The following SAP130 variants were observed in gnomAD, a reference collection of about 807,000 sequenced individuals.
The protein encoded by SAP130 is Sin3A associated protein 130, also known as histone deacetylase complex subunit SAP130.
Under a neutral mutation model 103.2 loss-of-function variants are expected in SAP130, and 16 were observed. The ratio of observed to expected loss-of-function variants is 0.16; its 90% confidence interval spans 0.10 to 0.24. The LOEUF (loss-of-function observed/expected upper bound fraction) is 0.24. SAP130 is among the 10% of genes least tolerant of loss of function. The probability of loss-of-function intolerance (pLI) is 1.00; values close to 1 mark genes in which losing one functional copy is unlikely to be tolerated. For missense variants in SAP130, 990 were observed against 1,359.7 expected (o/e 0.73, Z 4.28); for synonymous variants, 477 against 497.0 (o/e 0.96, Z 0.53).
chr2:128,008,434 T>C (rs1684128294), intron 7 of SAP130, among the ~76,000 whole-genome samples: 1 of 151,502 alleles, frequency 6.6e-6, no homozygotes, highest in Admixed American at 6.6e-5. Context: ...GGCACAATCA[T>C]AGCTCCTAGT....
At position 127,942,698 on chromosome 2, in the gene SAP130, C is replaced by A. The variant is rs1484211531; in HGVS notation, c.2902-161G>T. Among the ~76,000 whole-genome samples, 1 of 152,164 alleles carries A rather than the reference C, an allele frequency of 6.6e-6. No homozygotes were observed. The highest frequency in any genetic ancestry group is 1.9e-4 in the East Asian group (1 of 5,192). On this transcript the variant is annotated intron_variant, in intron 19 of 20. Coordinates refer to ENST00000643581, the MANE Select transcript of SAP130 (RefSeq NM_001330301.2). This position sits in a 1 kb window ranked among gnomAD's most constrained non-coding sequence, Gnocchi z 4.8. ...GGACTAAGATACTAAGGTTTAAAAA[C>A]AGTAAAGGGGCTGGGCGCGGTGGCT...
Position 127,941,611 on chromosome 2 carries a change from CA to C in SAP130, c.*394del, listed in dbSNP as rs1028470204. On this transcript the variant is annotated 3_prime_UTR_variant, in exon 21 of 21. Transcript: ENST00000643581. Reference sequence around the variant, plus strand: ...TTTTATTTTCAGTGTAGAGAGATAACAGATGGTCCGAGTGGATACTTTCAGT... The same window carrying C: ...TTTTATTTTCAGTGTAGAGAGATAACGATGGTCCGAGTGGATACTTTCAGT... 29 of 190,044 alleles carry C rather than the reference CA, an allele frequency of 1.5e-4. No individual in the cohort carries two copies. The Admixed American group carries it at 1.6e-3, about 10-fold the overall frequency. 11.8% of individuals were successfully genotyped at this position (190,044 alleles called of 1,614,324 possible). A position where few individuals can be genotyped will look rare whatever the true frequency, so the allele number is the denominator to read the frequency against.
chr2:127,972,210 C>A (rs1367965948), intron 15 of SAP130, among the ~76,000 whole-genome samples: 2 of 152,238 alleles, frequency 1.3e-5, no homozygotes, highest in Non-Finnish European at 2.9e-5. Flanking sequence ...TATTTCTGCA[C>A]CTGCTGTTGC....
intron 2 of SAP130, among the ~76,000 whole-genome samples, chr2:128,024,254 G>A (rs1685345173): frequency 6.6e-6 from 1 of 152,052 alleles, no homozygotes; most frequent in South Asian, 2.1e-4. Context: ...CTAGGCGGGA[G>A]GATTCCTTGA....
At chr2:128,012,148 TAC>T (rs1279751260) in intron 6 of SAP130, among the ~76,000 whole-genome samples, 1 of 152,186 alleles carries the variant, frequency 6.6e-6, no homozygotes, top group Non-Finnish European at 1.5e-5. Context: ...ACTTTAATGA[TAC>T]ACAGAGCCAT....
intron 8 of SAP130, 61 bp from the exon 9 acceptor site, chr2:128,000,207 A>G: frequency 6.2e-7 from 1 of 1,608,610 alleles, no homozygotes; most frequent in Non-Finnish European, 8.5e-7. Context: ...CAGGGTAAAC[A>G]CAATCAATGC....
At chr2:127,966,184 T>A (rs1298918769) in intron 15 of SAP130, among the ~76,000 whole-genome samples, 2 of 150,006 alleles carry the variant, frequency 1.3e-5, no homozygotes, top group Non-Finnish European at 1.5e-5. Context: ...CTACTAAAAA[T>A]ACAAAAAAAT....
rs950857662 is a variant in SAP130, at chr2:127,942,814, C to T, written c.2902-277G>A. Among the ~76,000 whole-genome samples, 19 of 152,048 alleles carry T rather than the reference C, an allele frequency of 1.2e-4. No homozygotes were observed. The highest frequency in any genetic ancestry group is 2.9e-4 in the African/African-American group (12 of 41,386). On this transcript the variant is annotated intron_variant, in intron 19 of 20. Coordinates refer to ENST00000643581, the MANE Select transcript of SAP130 (RefSeq NM_001330301.2). The surrounding 1 kb of genome is among the most constrained non-coding windows in gnomAD (Gnocchi z 4.8). ...GACCAGCCTGACCAACAAGGTGAAA[C>T]GCCATCTCTATTAAAAATACAAAAT... is the stretch of plus-strand genomic sequence containing the variant.
intron 1 of SAP130, 42 bp downstream of exon 1, chr2:128,027,898 C>T (rs1191494975): frequency 7.1e-6 from 7 of 979,984 alleles, no homozygotes; most frequent in African/African-American, 1.8e-5. Flanking sequence ...CCCGCCCCCT[C>T]GTCTCCTCCC....
At chr2:127,947,962 A>G (rs746599696) in intron 18 of SAP130, among the ~76,000 whole-genome samples, 2 of 112,700 alleles carry the variant, frequency 1.8e-5, no homozygotes, top group African/African-American at 2.8e-5. Flanking sequence ...GCTAATTTTT[A>G]TATTTTCAGT....
At chr2:127,951,077 A>G (rs1679465352) in intron 16 of SAP130, among the ~76,000 whole-genome samples, 1 of 152,224 alleles carries the variant, frequency 6.6e-6, no homozygotes, top group Non-Finnish European at 1.5e-5. Flanking sequence ...AGTAGGCATT[A>G]TTATTATCCT....
At chr2:127,980,428 G>A (rs1277081559) in intron 14 of SAP130, among the ~76,000 whole-genome samples, 5 of 152,174 alleles carry the variant, frequency 3.3e-5, no homozygotes, top group Non-Finnish European at 4.4e-5. Flanking sequence ...CCTGGTGAGA[G>A]TGTAAATGGG....
intron 17 of SAP130, 78 bp from the exon 18 acceptor site, chr2:127,950,072 G>GATC: frequency 6.2e-7 from 1 of 1,605,316 alleles, no homozygotes; most frequent in African/African-American, 1.4e-5. Context: ...AGTGAGGTAC[G>GATC]AGTGAGGCTG....
intron 15 of SAP130, among the ~76,000 whole-genome samples, chr2:127,967,520 T>A (rs1680743453): frequency 6.6e-6 from 1 of 152,186 alleles, no homozygotes; most frequent in South Asian, 2.1e-4. Flanking sequence ...TGCCTTAGCC[T>A]CCCGAGTAGC....
intron 1 of SAP130, among the ~76,000 whole-genome samples, chr2:128,026,736 C>T (rs1558711073): frequency 6.6e-6 from 1 of 152,202 alleles, no homozygotes; most frequent in African/African-American, 2.4e-5. Flanking sequence ...GATATCCAGC[C>T]CTAAGAAAAG....
At position 128,027,303 on chromosome 2, in the gene SAP130, A is replaced by ACCTGCCCCTG. The variant is rs1424819339; in HGVS notation, c.-7+627_-7+636dup. 6 of 1,157,506 alleles carry ACCTGCCCCTG rather than the reference A, an allele frequency of 5.2e-6. No homozygotes were observed. The African/African-American group carries it at 8.1e-5, about 16-fold the overall frequency. 71.7% of individuals were successfully genotyped at this position (1,157,506 alleles called of 1,614,324 possible). On this transcript the variant is annotated intron_variant, in intron 1 of 20. Coordinates refer to ENST00000643581, the MANE Select transcript of SAP130 (RefSeq NM_001330301.2). ...TGTGCTCGCAGTCCTCTTCCCCCGAACCTGCCCCTGCCTCCCCCGCCCGCC... is the reference window on the plus strand; with the variant it reads ...TGTGCTCGCAGTCCTCTTCCCCCGAACCTGCCCCTGCCTGCCCCTGCCTCCCCCGCCCGCC...
chr2:127,977,931 A>T, intron 15 of SAP130, 54 bp downstream of exon 15: 4 of 1,307,780 alleles, frequency 3.1e-6, no homozygotes, highest in Non-Finnish European at 4.3e-6. Context: ...ACTCTCCCCA[A>T]CTGCAACGAT....
chr2:127,987,446 A>G (rs1226122232), intron 13 of SAP130, among the ~76,000 whole-genome samples: 1 of 152,044 alleles, frequency 6.6e-6, no homozygotes, highest in African/African-American at 2.4e-5. Context: ...TTGGCCTCCC[A>G]AAGTGCTGGG....
chr2:127,997,221 G>C (rs1441904543), intron 10 of SAP130, among the ~76,000 whole-genome samples: 1 of 152,148 alleles, frequency 6.6e-6, no homozygotes, highest in African/African-American at 2.4e-5. Flanking sequence ...TTTAAAACTT[G>C]CAATCCAATT....
Sources: gnomAD v4.1 joint callset for allele counts (sites outside exome capture counted in the v4.1 genomes callset) on GRCh38, gnomAD v4.1.1 for gene constraint, Gnocchi (gnomAD v3.1) non-coding constraint, MANE v1.5 for transcripts, NCBI Gene and HGNC (gene_info 2026-07-23, HGNC 2026-07-21) for gene names.